Variants in KLF8 observed in about 807,000 individuals in gnomAD.
The protein encoded by KLF8 is KLF transcription factor 8.
A neutral mutation model predicts 18.2 loss-of-function variants in KLF8; 10 were observed. The observed-to-expected ratio is 0.55, with a 90% CI of 0.34 to 0.93. The LOEUF is 0.93. Ranked by LOEUF, KLF8 falls within the 40% of genes least tolerant of loss-of-function variation. The pLI is 0.02. For synonymous variants in KLF8, 109 were observed against 97.3 expected (o/e 1.12, Z -0.71); for missense variants, 264 against 277.9 (o/e 0.95, Z 0.36).
At chrX:56,181,903 T>C in the KLF8 span, among the ~76,000 whole-genome samples, 4 of 110,363 alleles carry the variant, frequency 3.6e-5, no homozygotes, top group African/African-American at 1.3e-4. Context: ...ATTTTTTCCT[T>C]CATTTTAACT....
chrX:56,063,488 C>A, the KLF8 span, among the ~76,000 whole-genome samples: 1 of 111,739 alleles, frequency 8.9e-6, no homozygotes, highest in East Asian at 2.8e-4. Context: ...GTATTACCAG[C>A]AGAGGCTGCA....
At chrX:56,091,730 G>C in the KLF8 span, among the ~76,000 whole-genome samples, 1 of 111,667 alleles carries the variant, frequency 9.0e-6, no homozygotes, top group Non-Finnish European at 1.9e-5. Context: ...CCTGACCTCA[G>C]ATGATCCACC....
chrX:56,054,959 C>T, the KLF8 span, among the ~76,000 whole-genome samples: 2 of 111,158 alleles, frequency 1.8e-5, no homozygotes, highest in Non-Finnish European at 3.8e-5. Context: ...CCCTTTAAGT[C>T]TATGTGTGTG....
At chrX:56,155,796 T>A in the KLF8 span, among the ~76,000 whole-genome samples, 1 of 111,250 alleles carries the variant, frequency 9.0e-6, no homozygotes, top group Non-Finnish European at 1.9e-5. Flanking sequence ...GGTAGTTTTT[T>A]AACCCCCACC....
chrX:56,050,426 C>G, the KLF8 span, among the ~76,000 whole-genome samples: 2 of 112,248 alleles, frequency 1.8e-5, no homozygotes, highest in Non-Finnish European at 3.8e-5. Flanking sequence ...TTTCCCTCTA[C>G]ACACTGCTTT....
the KLF8 span, among the ~76,000 whole-genome samples, chrX:55,938,830 C>T: frequency 3.2e-4 from 35 of 109,964 alleles, no homozygotes; most frequent in South Asian, 6.6e-3. Context: ...CCTAACTATC[C>T]GAAATATATA....
the KLF8 span, among the ~76,000 whole-genome samples, chrX:56,103,940 A>G: frequency 7.2e-5 from 8 of 111,347 alleles, no homozygotes; most frequent in South Asian, 2.7e-3. Context: ...GAATTTTGTC[A>G]AAGGCCTTTT....
the KLF8 span, among the ~76,000 whole-genome samples, chrX:55,945,081 G>A: frequency 6.3e-5 from 7 of 111,031 alleles, no homozygotes; most frequent in Non-Finnish European, 3.8e-5. Context: ...CCTTCATTTC[G>A]TTATGTACCC....
At chrX:56,189,788 C>A in the KLF8 span, among the ~76,000 whole-genome samples, 1 of 99,206 alleles carries the variant, frequency 1.0e-5, no homozygotes, top group Non-Finnish European at 2.0e-5. Flanking sequence ...CCAAACACCA[C>A]ATGTTCTCAC....
At chrX:56,005,024 T>TTTA in the KLF8 span, among the ~76,000 whole-genome samples, 1 of 55,643 alleles carries the variant, frequency 1.8e-5, no homozygotes, top group Admixed American at 1.9e-4. Flanking sequence ...ACCTTTATCC[T>TTTA]TTATGATTAT....
At chrX:56,008,916 G>A in the KLF8 span, among the ~76,000 whole-genome samples, 1 of 112,110 alleles carries the variant, frequency 8.9e-6, no homozygotes, top group Non-Finnish European at 1.9e-5. Context: ...TCCAGCCAGG[G>A]TTTTGCAGAC....
the KLF8 span, among the ~76,000 whole-genome samples, chrX:56,007,054 C>G: frequency 8.9e-6 from 1 of 112,037 alleles, no homozygotes; most frequent in Non-Finnish European, 1.9e-5. Flanking sequence ...AGTGGGGATG[C>G]CATCAGTGGC....
chrX:56,164,353 A>G, the KLF8 span, among the ~76,000 whole-genome samples: 4 of 91,554 alleles, frequency 4.4e-5, no homozygotes, highest in African/African-American at 8.0e-5. Context: ...AAATGTATTT[A>G]GAGCTACAAT....
the KLF8 span, among the ~76,000 whole-genome samples, chrX:56,153,120 G>C: frequency 9.0e-6 from 1 of 111,351 alleles, no homozygotes; most frequent in Admixed American, 9.6e-5. Flanking sequence ...AATTTAATAT[G>C]ATATAAGTAA....
the KLF8 span, among the ~76,000 whole-genome samples, chrX:56,158,699 G>A: frequency 3.6e-5 from 4 of 111,819 alleles, no homozygotes; most frequent in Non-Finnish European, 7.5e-5. Context: ...TCTGTTATTG[G>A]TGTATAAAAA....
the KLF8 span, among the ~76,000 whole-genome samples, chrX:56,100,416 G>A: frequency 9.0e-6 from 1 of 111,571 alleles, no homozygotes; most frequent in Admixed American, 9.5e-5. Context: ...CCATTCTGTA[G>A]CCCGTGGATC....
chrX:56,202,850 C>T, the KLF8 span, among the ~76,000 whole-genome samples: 1 of 110,904 alleles, frequency 9.0e-6, no homozygotes, highest in African/African-American at 3.3e-5. Flanking sequence ...AGGTCCCTTC[C>T]AAATCTTAGC....
chrX:55,991,476 C>T, the KLF8 span, among the ~76,000 whole-genome samples: 1 of 111,692 alleles, frequency 9.0e-6, no homozygotes. Context: ...CTCGGCCTGC[C>T]TCGGCTCCCA....
the KLF8 span, among the ~76,000 whole-genome samples, chrX:56,097,772 A>G: frequency 9.8e-6 from 1 of 101,689 alleles, no homozygotes; most frequent in Admixed American, 1.1e-4. Context: ...AAAAGCTGTC[A>G]GCAAACTAGA....
Sources: gnomAD v4.1 joint callset for allele counts (sites outside exome capture counted in the v4.1 genomes callset) on GRCh38, gnomAD v4.1.1 for gene constraint, MANE v1.5 for transcripts, NCBI Gene and HGNC (gene_info 2026-07-23, HGNC 2026-07-21) for gene names.